The following DPP6 variants were observed in gnomAD, a reference collection of about 807,000 sequenced individuals.
DPP6 encodes dipeptidyl peptidase like 6.
DPP6 carries 69 observed loss-of-function variants against 122.6 expected under a neutral mutation model. The observed-to-expected ratio is 0.56, with a 90% CI of 0.46 to 0.69. The LOEUF is 0.69. DPP6 is among the 30% of genes least tolerant of loss of function. The pLI, the probability that DPP6 is intolerant of heterozygous loss-of-function variation, is 0.00. For synonymous variants in DPP6, 418 were observed against 433.1 expected (o/e 0.97, Z 0.43); for missense variants, 928 against 1,116.9 (o/e 0.83, Z 2.41).
chr7:154,548,181 C>A (rs1391620828), intron 4 of DPP6, among the ~76,000 whole-genome samples: 1 of 151,870 alleles, frequency 6.6e-6, no homozygotes, highest in Non-Finnish European at 1.5e-5. Flanking sequence ...TGTACTCCAG[C>A]CTGGGCAACA....
chr7:153,913,126 G>A (rs911717015), intron 1 of DPP6, among the ~76,000 whole-genome samples: 2 of 152,182 alleles, frequency 1.3e-5, no homozygotes, highest in African/African-American at 4.8e-5. Flanking sequence ...CCAGACTGGA[G>A]TGCGGTGGCA....
chr7:154,659,341 T>C (rs1837469586), intron 6 of DPP6, among the ~76,000 whole-genome samples: 1 of 152,238 alleles, frequency 6.6e-6, no homozygotes, highest in African/African-American at 2.4e-5. Flanking sequence ...TGTAATAACA[T>C]TTTATCAATA....
At chr7:153,890,418 C>T (rs929455) in intron 1 of DPP6, among the ~76,000 whole-genome samples, 27,309 of 152,186 alleles carry the variant, frequency 0.18, 2,461 homozygotes, top group Middle Eastern at 0.18. Flanking sequence ...TGTTCTGGAC[C>T]TGCAGCCTGT....
chr7:153,954,270 G>T (rs1802354676), intron 1 of DPP6, among the ~76,000 whole-genome samples: 1 of 152,198 alleles, frequency 6.6e-6, no homozygotes, highest in African/African-American at 2.4e-5. Flanking sequence ...ATATACATTA[G>T]TTGAATAGTA....
intron 10 of DPP6, among the ~76,000 whole-genome samples, chr7:154,773,927 C>A (rs1157766527): frequency 6.6e-6 from 1 of 152,156 alleles, no homozygotes; most frequent in Non-Finnish European, 1.5e-5. Context: ...TCCAGTGCCA[C>A]CTTTGCCCCA....
At chr7:154,788,750 G>A (rs1797489674) in intron 10 of DPP6, among the ~76,000 whole-genome samples, 3 of 151,962 alleles carry the variant, frequency 2.0e-5, no homozygotes, top group South Asian at 2.1e-4. Context: ...CAGAAGTTTC[G>A]TCCTCTTTGT....
intron 5 of DPP6, among the ~76,000 whole-genome samples, chr7:154,620,752 C>T (rs1450132013): frequency 2.6e-5 from 4 of 152,194 alleles, no homozygotes; most frequent in Non-Finnish European, 5.9e-5. Context: ...TACTTCCATA[C>T]CTTCGTTTGC....
At chr7:154,200,834 T>G (rs1799133387) in intron 1 of DPP6, among the ~76,000 whole-genome samples, 1 of 152,136 alleles carries the variant, frequency 6.6e-6, no homozygotes, top group Non-Finnish European at 1.5e-5. Flanking sequence ...GCTGTGAAGC[T>G]CTGTATTAAT....
intron 17 of DPP6, among the ~76,000 whole-genome samples, chr7:154,855,609 C>T (rs1469473916): frequency 1.3e-5 from 2 of 152,188 alleles, no homozygotes; most frequent in African/African-American, 2.4e-5. Flanking sequence ...CATCCACCCA[C>T]CCTCTGCCCA....
chr7:153,816,988 C>T, the DPP6 span, among the ~76,000 whole-genome samples: 2 of 151,574 alleles, frequency 1.3e-5, no homozygotes, highest in African/African-American at 4.9e-5. Context: ...ATTCAGGATG[C>T]ATGGCTTACC....
intron 1 of DPP6, among the ~76,000 whole-genome samples, chr7:154,131,145 T>G (rs1434802192): frequency 6.6e-6 from 1 of 152,062 alleles, no homozygotes; most frequent in African/African-American, 2.4e-5. Context: ...TTCAAAGGCA[T>G]TAAGTAGGGG....
intron 1 of DPP6, among the ~76,000 whole-genome samples, chr7:154,054,825 G>C (rs1459266093): frequency 6.7e-6 from 1 of 149,340 alleles, no homozygotes; most frequent in Non-Finnish European, 1.5e-5. Context: ...TGAGAACAAT[G>C]TGCAGTTTTT....
In DPP6 at chr7:154,516,097, G is replaced by C. The variant is rs180869295; in HGVS notation, c.458-24435G>C. 1.4e-3 allele frequency among the ~76,000 whole-genome samples: 208 copies of C among 152,212 alleles called. 1 individual carries two copies. The highest frequency in any genetic ancestry group is 3.1e-3 in the South Asian group (15 of 4,824). ...TCCTCAGGTCTGGGGATAGTCCAGT[G>C]AACTTGACAGAGTCTTCAAGGTCTT... On this transcript the variant is annotated intron_variant, in intron 3 of 25. Coordinates refer to ENST00000377770, the MANE Select transcript of DPP6 (RefSeq NM_130797.4).
At chr7:153,752,528 C>A in the DPP6 span, among the ~76,000 whole-genome samples, 1 of 151,674 alleles carries the variant, frequency 6.6e-6, no homozygotes, top group African/African-American at 2.4e-5. Flanking sequence ...GGATTACAGG[C>A]GTGAGCCACC....
intron 1 of DPP6, among the ~76,000 whole-genome samples, chr7:153,983,474 T>C (rs1461705183): frequency 6.6e-6 from 1 of 152,224 alleles, no homozygotes; most frequent in Non-Finnish European, 1.5e-5. Flanking sequence ...AGATCTTAGC[T>C]TATTGGGCTC....
At chr7:153,944,596 G>A (rs541577852) in intron 1 of DPP6, among the ~76,000 whole-genome samples, 3 of 151,870 alleles carry the variant, frequency 2.0e-5, no homozygotes, top group East Asian at 3.9e-4. Context: ...GTGGTGGGAG[G>A]CCTCACAACA....
At chr7:154,227,802 C>CAG (rs1045490061) in intron 1 of DPP6, among the ~76,000 whole-genome samples, 4 of 152,138 alleles carry the variant, frequency 2.6e-5, no homozygotes, top group African/African-American at 9.7e-5. Context: ...CTGTCATGAT[C>CAG]AGAGGGTGGA....
chr7:154,396,671 G>A (rs1422577082), intron 1 of DPP6, among the ~76,000 whole-genome samples: 1 of 152,344 alleles, frequency 6.6e-6, no homozygotes, highest in Middle Eastern at 3.4e-3. Flanking sequence ...CACACAAAGT[G>A]TATTCTCGGC....
chr7:154,759,262 T>C (rs1394643522), intron 8 of DPP6, among the ~76,000 whole-genome samples: 5 of 152,202 alleles, frequency 3.3e-5, no homozygotes, highest in Non-Finnish European at 7.3e-5. Context: ...TGTTTGCTTG[T>C]CACTTGATTA....
Sources: gnomAD v4.1 joint callset for allele counts (sites outside exome capture counted in the v4.1 genomes callset) on GRCh38, gnomAD v4.1.1 for gene constraint, MANE v1.5 for transcripts, NCBI Gene and HGNC (gene_info 2026-07-23, HGNC 2026-07-21) for gene names.